BMPER: variants seen among roughly 807,000 people sequenced by gnomAD.
BMPER encodes the protein BMP-binding endothelial regulator protein.
Under a neutral mutation model 87.3 loss-of-function variants are expected in BMPER, and 45 were observed. That is an observed-to-expected ratio of 0.52 (90% CI 0.41 to 0.66). The LOEUF is 0.66. Among genes scored for constraint, BMPER ranks in the 30% least tolerant of loss-of-function variants. BMPER has a pLI of 0.00. For synonymous variants in BMPER, 326 were observed against 316.2 expected (o/e 1.03, Z -0.33); for missense variants, 784 against 867.5 (o/e 0.90, Z 1.21).
At chr7:33,905,148 A>G (rs113711026), upstream of BMPER, 4,611 of 194,592 alleles carry the variant, frequency 0.024, 142 homozygotes, top group African/African-American at 0.07. Context: ...GCAGGAGGTG[A>G]GGAGTGCGGG....
At chr7:33,909,341 T>G (rs144651053) in intron 2 of BMPER, among the ~76,000 whole-genome samples, 1 of 152,130 alleles carries the variant, frequency 6.6e-6, no homozygotes, top group African/African-American at 2.4e-5. Flanking sequence ...GTTAAAGATG[T>G]GAGAAAGTAA....
At chr7:33,937,536 G>GTA (rs59695815) in intron 3 of BMPER, 148 bp downstream of exon 3, 22 of 681,812 alleles carry the variant, frequency 3.2e-5, no homozygotes, top group Non-Finnish European at 4.2e-5. Context: ...GTGTGTGTGT[G>GTA]TATGTGTGTG....
chr7:34,001,027 G>A (rs560087521), intron 6 of BMPER, among the ~76,000 whole-genome samples: 4 of 151,784 alleles, frequency 2.6e-5, no homozygotes, highest in East Asian at 1.9e-4. Flanking sequence ...ACATTTCTGC[G>A]ATAACTCTCA....
chr7:34,006,092 T>C (rs1786726278), intron 6 of BMPER, among the ~76,000 whole-genome samples: 1 of 152,082 alleles, frequency 6.6e-6, no homozygotes, highest in Non-Finnish European at 1.5e-5. Context: ...TATGTATTAC[T>C]TTACTGTTAT....
chr7:33,958,049 G>A (rs576221591), intron 3 of BMPER, among the ~76,000 whole-genome samples: 13 of 152,188 alleles, frequency 8.5e-5, no homozygotes, highest in African/African-American at 2.2e-4. Context: ...TATAGCCACC[G>A]TAATTTTCCT....
chr7:34,095,603 A>T (rs1298062122), intron 13 of BMPER, among the ~76,000 whole-genome samples: 1 of 152,208 alleles, frequency 6.6e-6, no homozygotes, highest in Non-Finnish European at 1.5e-5. Context: ...CTGAAAGAAG[A>T]CTCAAAGTTC....
rs1031331495 is a variant in BMPER, at chr7:33,906,748, A to G, written c.134-70A>G. Reference sequence around the variant, plus strand: ...GAGGTTTCAAAAAGGATTAGTGTAAAAATTTTAAATGTTGAAATCATGCTG... The same window carrying G: ...GAGGTTTCAAAAAGGATTAGTGTAAGAATTTTAAATGTTGAAATCATGCTG... On this transcript the variant is annotated intron_variant, in intron 1 of 14. Transcript: ENST00000649409. The G allele has an allele frequency of 2.1e-6, 3 of 1,424,716 alleles. No homozygotes were observed. The African/African-American group carries it at 4.2e-5, about 20-fold the overall frequency. 88.3% of individuals were successfully genotyped at this position (1,424,716 alleles called of 1,614,324 possible).
intron 2 of BMPER, among the ~76,000 whole-genome samples, chr7:33,919,096 T>C (rs1784153262): frequency 6.6e-6 from 1 of 152,168 alleles, no homozygotes; most frequent in African/African-American, 2.4e-5. Context: ...TTTTTTTCTG[T>C]TTCATGTAAA....
intron 11 of BMPER, among the ~76,000 whole-genome samples, chr7:34,077,999 A>G (rs1025703823): frequency 2.0e-5 from 3 of 152,114 alleles, no homozygotes; most frequent in African/African-American, 7.2e-5. Context: ...AAAACGGATA[A>G]AATATATTTA....
intron 11 of BMPER, among the ~76,000 whole-genome samples, chr7:34,074,805 A>T (rs1233947481): frequency 6.6e-6 from 1 of 152,246 alleles, no homozygotes; most frequent in African/African-American, 2.4e-5. Flanking sequence ...ACCTTACGAC[A>T]TGTTAAGTAA....
chr7:33,986,849 C>G (rs1786024486), intron 6 of BMPER, among the ~76,000 whole-genome samples: 1 of 152,036 alleles, frequency 6.6e-6, no homozygotes, highest in African/African-American at 2.4e-5. Context: ...TCTTTTTGTC[C>G]ATTATTAGCC....
chr7:33,923,702 T>G (rs2128605266), intron 2 of BMPER, among the ~76,000 whole-genome samples: 1 of 152,300 alleles, frequency 6.6e-6, no homozygotes, highest in Non-Finnish European at 1.5e-5. Context: ...CCAGGGTCAC[T>G]TACAGTTGTT....
chr7:33,914,636 T>A (rs1181761639), intron 2 of BMPER, among the ~76,000 whole-genome samples: 3 of 152,222 alleles, frequency 2.0e-5, no homozygotes, highest in Non-Finnish European at 4.4e-5. Context: ...GTTACCTGTC[T>A]GCATAGAAAT....
intron 13 of BMPER, among the ~76,000 whole-genome samples, chr7:34,087,266 C>T (rs1198586248): frequency 6.6e-6 from 1 of 152,162 alleles, no homozygotes; most frequent in Middle Eastern, 3.2e-3. Context: ...TCTTTCTCCT[C>T]TCTGTACCAC....
intron 12 of BMPER, among the ~76,000 whole-genome samples, 193 bp downstream of exon 12, chr7:34,079,379 A>G (rs1039338952): frequency 6.6e-6 from 1 of 152,210 alleles, no homozygotes; most frequent in Non-Finnish European, 1.5e-5. Context: ...TGCCACAAAC[A>G]GCTGGAGACA....
chr7:33,971,504 AATT>A (rs1165181249), intron 5 of BMPER, among the ~76,000 whole-genome samples: 7 of 152,272 alleles, frequency 4.6e-5, no homozygotes, highest in Middle Eastern at 3.4e-3. Flanking sequence ...TTGAAAGTAA[AATT>A]ATTTTTTCCA....
chr7:34,143,393 A>T, intron 14 of BMPER, 33 bp downstream of exon 14: 1 of 1,612,972 alleles, frequency 6.2e-7, no homozygotes, highest in South Asian at 1.1e-5. Context: ...ACCCATCAAA[A>T]GTTTACTGCA....
At chr7:33,963,750 G>A (rs1562655675) in intron 3 of BMPER, among the ~76,000 whole-genome samples, 1 of 152,062 alleles carries the variant, frequency 6.6e-6, no homozygotes, top group Non-Finnish European at 1.5e-5. Context: ...CCAAGATCGC[G>A]CCATTGCACT....
At chr7:33,962,855 C>A in intron 3 of BMPER, among the ~76,000 whole-genome samples, 1 of 151,610 alleles carries the variant, frequency 6.6e-6, no homozygotes. Flanking sequence ...GCATATTTAC[C>A]TGACCAGTCA....
Sources: allele counts gnomAD v4.1 joint callset (sites outside exome capture counted in the v4.1 genomes callset), GRCh38; gene constraint gnomAD v4.1.1; transcripts MANE v1.5; gene names NCBI Gene and HGNC (gene_info 2026-07-23, HGNC 2026-07-21).